Variants in PPFIA1 observed in about 807,000 individuals in gnomAD.
PPFIA1 encodes the protein PPFI scaffold protein A1.
PPFIA1 carries 25 observed loss-of-function variants against 149.9 expected under a neutral mutation model. The ratio of observed to expected loss-of-function variants is 0.17; its 90% CI spans 0.12 to 0.23. PPFIA1 has a LOEUF of 0.23. PPFIA1 is among the 10% of genes least tolerant of loss of function. PPFIA1 has a pLI of 1.00. For missense variants in PPFIA1, 1,362 were observed against 1,506.5 expected (o/e 0.90, Z 1.59); for synonymous variants, 549 against 552.8 (o/e 0.99, Z 0.10).
intron 19 of PPFIA1, among the ~76,000 whole-genome samples, chr11:70,360,918 C>T (rs562659410): frequency 2.0e-5 from 3 of 152,342 alleles, no homozygotes; most frequent in African/African-American, 2.4e-5. Context: ...TACAATGACA[C>T]CTTCTCTCTG....
intron 25 of PPFIA1, among the ~76,000 whole-genome samples, chr11:70,377,103 A>C (rs187442852): frequency 0.013 from 1,929 of 151,978 alleles, 38 homozygotes; most frequent in African/African-American, 0.043. Flanking sequence ...CAAAAAAAAA[A>C]CCCACAAAAG....
chr11:70,317,368 C>T (rs2053697529), intron 2 of PPFIA1, among the ~76,000 whole-genome samples: 2 of 152,004 alleles, frequency 1.3e-5, no homozygotes, highest in African/African-American at 4.8e-5. Context: ...TTTAAATTTG[C>T]TTTGATATAT....
intron 2 of PPFIA1, among the ~76,000 whole-genome samples, chr11:70,295,587 A>T (rs1469044357): frequency 2.9e-5 from 2 of 68,058 alleles, no homozygotes; most frequent in South Asian, 6.2e-4. Context: ...TCCCGGATGG[A>T]GCGGCTGGCT....
At chr11:70,285,791 A>G (rs180741790) in intron 2 of PPFIA1, among the ~76,000 whole-genome samples, 3 of 152,270 alleles carry the variant, frequency 2.0e-5, no homozygotes, top group Non-Finnish European at 2.9e-5. Context: ...AGTATACATA[A>G]TGTTTATGTA....
At chr11:70,296,580 G>C (rs2052042055) in intron 2 of PPFIA1, among the ~76,000 whole-genome samples, 1 of 151,894 alleles carries the variant, frequency 6.6e-6, no homozygotes, top group Non-Finnish European at 1.5e-5. Flanking sequence ...CACTCGGCAG[G>C]CTGAGGCAGG....
At chr11:70,273,684 A>G (rs2050226462) in intron 2 of PPFIA1, among the ~76,000 whole-genome samples, 1 of 152,226 alleles carries the variant, frequency 6.6e-6, no homozygotes, top group African/African-American at 2.4e-5. Context: ...ATTTGACGTT[A>G]GCGCTCTATG....
At chr11:70,336,467 A>G (rs563960571) in intron 11 of PPFIA1, among the ~76,000 whole-genome samples, 1 of 148,430 alleles carries the variant, frequency 6.7e-6, no homozygotes, top group South Asian at 2.1e-4. Context: ...GCGCCACTGT[A>G]CTTCATTCAG....
At chr11:70,309,713 TGA>T (rs2053131633) in intron 2 of PPFIA1, among the ~76,000 whole-genome samples, 1 of 151,878 alleles carries the variant, frequency 6.6e-6, no homozygotes, top group Admixed American at 6.6e-5. Flanking sequence ...GTCCGACCCT[TGA>T]AAATACTATG....
intron 25 of PPFIA1, among the ~76,000 whole-genome samples, chr11:70,377,110 A>G (rs1169714790): frequency 2.6e-5 from 4 of 152,082 alleles, no homozygotes; most frequent in South Asian, 2.1e-4. Context: ...AAAACCCACA[A>G]AAGTAATACC....
At chr11:70,362,570 C>G in intron 21 of PPFIA1, 82 bp downstream of exon 21, 1 of 1,383,136 alleles carries the variant, frequency 7.2e-7, no homozygotes. Flanking sequence ...TACATTGCTT[C>G]TCCAGTTCCT....
Position 70,372,207 on chromosome 11 carries a change from A to G in PPFIA1, c.2866-8A>G. On this transcript the variant is annotated splice_polypyrimidine_tract_variant and splice_region_variant and intron_variant, in intron 21 of 27. Coordinates refer to ENST00000253925, the MANE Select transcript of PPFIA1 (RefSeq NM_003626.5). Reference sequence around the variant, plus strand: ...CTGTAACTGACCTTTTCCATTTATGAAAAGCAGACACTCGCCTATGGGGAC... The same window carrying G: ...CTGTAACTGACCTTTTCCATTTATGGAAAGCAGACACTCGCCTATGGGGAC... The G allele has an allele frequency of 6.3e-7, 1 of 1,590,834 alleles. No individual in the cohort carries two copies. Among genetic ancestry groups the G allele is most frequent in the Non-Finnish European group, 8.5e-7 (1 of 1,170,736 alleles).
At chr11:70,298,526 A>C (rs557144897) in intron 2 of PPFIA1, among the ~76,000 whole-genome samples, 7 of 152,216 alleles carry the variant, frequency 4.6e-5, no homozygotes, top group African/African-American at 1.7e-4. Context: ...TTTTACTATA[A>C]ATGGTTGTTA....
At chr11:70,332,342 G>A (rs577800421) in intron 9 of PPFIA1, among the ~76,000 whole-genome samples, 1 of 152,282 alleles carries the variant, frequency 6.6e-6, no homozygotes, top group Admixed American at 6.5e-5. Flanking sequence ...TGATCTGAGA[G>A]TTACTGCTTC....
intron 2 of PPFIA1, among the ~76,000 whole-genome samples, chr11:70,284,502 A>AGACC (rs983821770): frequency 6.6e-6 from 1 of 151,986 alleles, no homozygotes; most frequent in African/African-American, 2.4e-5. Context: ...TGGTAGAGAC[A>AGACC]GGGTCTCTGC....
At chr11:70,279,123 A>G (rs1441539505) in intron 2 of PPFIA1, 1 of 546,428 alleles carries the variant, frequency 1.8e-6, no homozygotes, top group Non-Finnish European at 3.4e-6. Context: ...GAGGTACTCC[A>G]GGATGGCTGT....
chr11:70,279,878 C>T (rs963884199), intron 2 of PPFIA1, among the ~76,000 whole-genome samples: 1 of 107,342 alleles, frequency 9.3e-6, no homozygotes, highest in Non-Finnish European at 1.8e-5. Context: ...CGTGAGCCAC[C>T]GTGTCCGGCC....
At position 70,372,356 on chromosome 11, in the gene PPFIA1, C is replaced by G. The variant is rs201453636; in HGVS notation, c.3007C>G (p.Arg1003Gly). Residue 1003 changes from arginine to glycine, a missense_variant, in exon 22 of 28, where the codon CGA becomes GGA. By Grantham distance (125) the Arg-to-Gly change is moderately radical (BLOSUM62 -2). Coordinates refer to ENST00000253925, the MANE Select transcript of PPFIA1 (RefSeq NM_003626.5). Reference sequence around the variant, plus strand: ...GGACCACTTGACCAAGAAAGACCTTCGAGGGCAGCTGAAAATGGTCGACAG... The same window carrying G: ...GGACCACTTGACCAAGAAAGACCTTGGAGGGCAGCTGAAAATGGTCGACAG... The part of the protein sequence containing the change: ...MLDHLTKKDL[R>G]GQLKMVDSFH... 5 of 1,614,052 alleles carry G rather than the reference C, an allele frequency of 3.1e-6. No homozygotes were observed. The highest frequency in any genetic ancestry group is 4.2e-6 in the Non-Finnish European group (5 of 1,180,048).
At chr11:70,296,915 C>G (rs1283386279) in intron 2 of PPFIA1, among the ~76,000 whole-genome samples, 1 of 152,194 alleles carries the variant, frequency 6.6e-6, no homozygotes, top group African/African-American at 2.4e-5. Flanking sequence ...CCGCTGCTCA[C>G]TGTGAGACGT....
At chr11:70,308,530 A>T (rs901070835) in intron 2 of PPFIA1, among the ~76,000 whole-genome samples, 4 of 152,370 alleles carry the variant, frequency 2.6e-5, no homozygotes, top group African/African-American at 9.6e-5. Flanking sequence ...TCTATTGGGA[A>T]CTTTGAAAAA....
Sources: gnomAD v4.1 joint callset for allele counts (sites outside exome capture counted in the v4.1 genomes callset) on GRCh38, gnomAD v4.1.1 for gene constraint, MANE v1.5 for transcripts, NCBI Gene and HGNC (gene_info 2026-07-23, HGNC 2026-07-21) for gene names.